The following ROCK2 variants were observed in gnomAD, a reference collection of about 807,000 sequenced individuals.
ROCK2 encodes rho-associated protein kinase 2.
A neutral mutation model predicts 195.1 loss-of-function variants in ROCK2; 61 were observed. That is an observed-to-expected ratio of 0.31 (90% CI 0.25 to 0.39). ROCK2 has a LOEUF of 0.39. Ranked by LOEUF, ROCK2 falls within the 10% of genes least tolerant of loss-of-function variation. The pLI, the probability that ROCK2 is intolerant of heterozygous loss-of-function variation, is 1.00. For missense variants in ROCK2, 1,109 were observed against 1,637.4 expected (o/e 0.68, Z 5.57); for synonymous variants, 504 against 545.5 (o/e 0.92, Z 1.06).
intron 1 of ROCK2, among the ~76,000 whole-genome samples, chr2:11,309,412 G>C (rs534565387): frequency 8.4e-4 from 128 of 152,210 alleles, no homozygotes; most frequent in African/African-American, 2.9e-3. Flanking sequence ...TGCATATGCA[G>C]TATACACAAA....
chr2:11,237,433 T>G (rs530597823), intron 4 of ROCK2, among the ~76,000 whole-genome samples: 263 of 152,214 alleles, frequency 1.7e-3, no homozygotes, highest in African/African-American at 5.8e-3. Flanking sequence ...AACAAAGGAA[T>G]AGTAAACAAA....
At chr2:11,241,590 G>C (rs1190034985) in intron 4 of ROCK2, among the ~76,000 whole-genome samples, 1 of 152,162 alleles carries the variant, frequency 6.6e-6, no homozygotes, top group East Asian at 1.9e-4. Flanking sequence ...GTGAGACACA[G>C]AACCCCAAAA....
chr2:11,321,350 A>G (rs2148248633), intron 1 of ROCK2, among the ~76,000 whole-genome samples: 1 of 151,770 alleles, frequency 6.6e-6, no homozygotes, highest in South Asian at 2.1e-4. Flanking sequence ...TAATTTTTGT[A>G]TTTTTAGTAG....
chr2:11,339,665 G>C (rs1313912980), intron 1 of ROCK2, among the ~76,000 whole-genome samples: 1 of 151,992 alleles, frequency 6.6e-6, no homozygotes, highest in African/African-American at 2.4e-5. Flanking sequence ...ACCATTTTCA[G>C]TAAATAAAGC....
intron 4 of ROCK2, among the ~76,000 whole-genome samples, chr2:11,243,134 GA>G (rs1665487649): frequency 6.6e-6 from 1 of 152,142 alleles, no homozygotes. Flanking sequence ...GAAGACTGAG[GA>G]AATGTTCAAA....
At chr2:11,275,636 T>G (rs1486511750) in intron 3 of ROCK2, among the ~76,000 whole-genome samples, 1 of 150,856 alleles carries the variant, frequency 6.6e-6, no homozygotes, top group Non-Finnish European at 1.5e-5. Flanking sequence ...AGAATAAAGG[T>G]AAGCAACACA....
intron 20 of ROCK2, among the ~76,000 whole-genome samples, 181 bp downstream of exon 20, chr2:11,207,545 G>A (rs1664096692): frequency 6.6e-6 from 1 of 152,162 alleles, no homozygotes; most frequent in Non-Finnish European, 1.5e-5. Context: ...AGTAAAAACT[G>A]TTGGGGAAAC....
rs7580639 is a variant in ROCK2, at chr2:11,218,093, C to T, written c.1332+362G>A. Reference sequence around the variant, plus strand: ...CCATGGTTTTAAATACTGCATCTATCTTAAGCAAAACTCTGTTTTCCCTTA... The same window carrying T: ...CCATGGTTTTAAATACTGCATCTATTTTAAGCAAAACTCTGTTTTCCCTTA... On this transcript the variant is annotated intron_variant, in intron 11 of 32. Coordinates refer to ENST00000315872, the MANE Select transcript of ROCK2 (RefSeq NM_004850.5). The T allele has an allele frequency of 6.7e-3, 1,156 of 173,180 alleles. 19 individuals are homozygous for T. The highest frequency in any genetic ancestry group is 0.026 in the African/African-American group (1,085 of 42,426). 10.7% of individuals were successfully genotyped at this position (173,180 alleles called of 1,614,324 possible). A position where few individuals can be genotyped will look rare whatever the true frequency, so the allele number is the denominator to read the frequency against.
At position 11,195,819 on chromosome 2, in the gene ROCK2, A is replaced by G. The variant is rs1488965367; in HGVS notation, c.3449-794T>C. On this transcript the variant is annotated intron_variant, in intron 27 of 32. Transcript: ENST00000315872. ...CATGAGCCACCACACCTGACCAATT[A>G]CGTACATTTTAGATAAAATTTGGTT... Among the ~76,000 whole-genome samples the G allele has an allele frequency of 3.3e-5, 5 of 152,330 alleles. No homozygotes were observed. The East Asian group carries it at 7.7e-4, about 23-fold the overall frequency.
intron 1 of ROCK2, chr2:11,308,339 G>C: frequency 1.7e-6 from 2 of 1,179,994 alleles, no homozygotes; most frequent in Non-Finnish European, 2.5e-6. Flanking sequence ...ATATAATAAA[G>C]AATTCCCATT....
intron 1 of ROCK2, among the ~76,000 whole-genome samples, chr2:11,330,742 G>T: frequency 3.8e-5 from 1 of 26,558 alleles, no homozygotes; most frequent in African/African-American, 6.9e-5. Context: ...GATGAGGAGG[G>T]AGGAGGGAGG....
intron 1 of ROCK2, among the ~76,000 whole-genome samples, chr2:11,339,638 T>C (rs1669043565): frequency 6.6e-6 from 1 of 152,106 alleles, no homozygotes; most frequent in Admixed American, 6.5e-5. Flanking sequence ...CCCACAATGT[T>C]AGTGAATCTT....
intron 18 of ROCK2, 86 bp from the exon 19 acceptor site, chr2:11,208,533 C>T (rs890145700): frequency 1.0e-5 from 6 of 598,644 alleles, no homozygotes; most frequent in African/African-American, 5.8e-5. Flanking sequence ...CATTAAATGA[C>T]ACCATACTAA....
At chr2:11,216,915 G>T (rs933077213) in intron 12 of ROCK2, among the ~76,000 whole-genome samples, 175 bp downstream of exon 12, 5 of 151,580 alleles carry the variant, frequency 3.3e-5, no homozygotes, top group African/African-American at 4.8e-5. Flanking sequence ...GTAGAGACTG[G>T]GTTTCGCCAT....
chr2:11,200,314 T>C (rs1043678621), intron 23 of ROCK2, among the ~76,000 whole-genome samples: 1 of 152,244 alleles, frequency 6.6e-6, no homozygotes, highest in African/African-American at 2.4e-5. Flanking sequence ...TTATTTTTCA[T>C]AGTCCTTAAG....
At position 11,194,960 on chromosome 2, in the gene ROCK2, T is replaced by C; in HGVS notation, c.3514A>G (p.Lys1172Glu). The change falls in exon 28 of 33, where the codon AAA becomes GAA. Residue 1172 changes from lysine (K) to glutamate (E), a missense_variant. Coordinates refer to ENST00000315872, the MANE Select transcript of ROCK2 (RefSeq NM_004850.5). The part of the protein sequence containing the change: ...RNNTKKFGWV[K>E]KYVIVSSKKI... ...TATTCCAAAGTATCAATTACCTTTT[T>C]AACCCATCCAAATTTCTTAGTGTTG... is the stretch of plus-strand genomic sequence containing the variant. 1 of 1,561,828 alleles carries C rather than the reference T, an allele frequency of 6.4e-7. No homozygotes were observed. The highest frequency in any genetic ancestry group is 1.8e-5 in the Admixed American group (1 of 54,730).
chr2:11,300,420 C>T lies in ROCK2; in HGVS notation c.142-12684G>A, dbSNP rs143920266. Among the ~76,000 whole-genome samples the T allele has an allele frequency of 1.8e-3, 267 of 152,250 alleles. 6 individuals are homozygous for T. In the East Asian group the frequency reaches 0.047, roughly 27 times the overall value. ...CTGGGATTACAGGCACCCGCCACCA[C>T]GCCTGGCTTATTTTTGTACTTTTAG... is the stretch of plus-strand genomic sequence containing the variant. On this transcript the variant is annotated intron_variant, in intron 1 of 32. Coordinates refer to ENST00000315872, the MANE Select transcript of ROCK2 (RefSeq NM_004850.5).
At chr2:11,277,433 C>A (rs1157898606) in intron 3 of ROCK2, among the ~76,000 whole-genome samples, 1 of 63,586 alleles carries the variant, frequency 1.6e-5, no homozygotes, top group Non-Finnish European at 4.4e-5. Context: ...ACCCATCCCC[C>A]AAGAGTATAC....
intron 1 of ROCK2, among the ~76,000 whole-genome samples, chr2:11,332,443 T>G (rs1036880126): frequency 1.3e-5 from 2 of 152,124 alleles, no homozygotes; most frequent in Non-Finnish European, 2.9e-5. Flanking sequence ...CAAAAACAAC[T>G]TAAATATAAT....
Sources: gnomAD v4.1 joint callset for allele counts (sites outside exome capture counted in the v4.1 genomes callset) on GRCh38, gnomAD v4.1.1 for gene constraint, MANE v1.5 for transcripts, NCBI Gene and HGNC (gene_info 2026-07-23, HGNC 2026-07-21) for gene names.